TRIM2: variants seen among roughly 807,000 people sequenced by gnomAD.
The protein encoded by TRIM2 is tripartite motif containing 2.
A neutral mutation model predicts 75.2 loss-of-function variants in TRIM2; 20 were observed. The ratio of observed to expected loss-of-function variants is 0.27; its 90% confidence interval spans 0.19 to 0.39. The LOEUF is 0.39. TRIM2 is among the 10% of genes least tolerant of loss of function. The pLI, the probability that TRIM2 is intolerant of heterozygous loss-of-function variation, is 1.00. For missense variants in TRIM2, 660 were observed against 990.8 expected (o/e 0.67, Z 4.48); for synonymous variants, 373 against 388.3 (o/e 0.96, Z 0.46).
chr4:153,274,405 G>A (rs536719012), intron 2 of TRIM2, among the ~76,000 whole-genome samples: 7 of 152,304 alleles, frequency 4.6e-5, no homozygotes, highest in African/African-American at 1.7e-4. Context: ...TAAATAAATG[G>A]ATGGAGGTGC....
chr4:153,275,043 T>C (rs1441653009), intron 2 of TRIM2, among the ~76,000 whole-genome samples: 1 of 152,216 alleles, frequency 6.6e-6, no homozygotes. Flanking sequence ...AGTCTAATTA[T>C]TGAGAGCTTA....
upstream of TRIM2, among the ~76,000 whole-genome samples, chr4:153,200,003 ATGATCTTGGCTCAC>A (rs901406367): frequency 7.1e-6 from 1 of 140,258 alleles, no homozygotes; most frequent in Non-Finnish European, 1.5e-5. Flanking sequence ...GTGCAGTGGT[ATGATCTTGGCTCAC>A]TGTAATCTCC....
At chr4:153,227,684 A>C (rs1742514653) in intron 1 of TRIM2, among the ~76,000 whole-genome samples, 1 of 152,186 alleles carries the variant, frequency 6.6e-6, no homozygotes, top group Non-Finnish European at 1.5e-5. Flanking sequence ...TGGAGGGTGC[A>C]CGTCTCTCTT....
chr4:153,248,917 A>G lies in TRIM2; in HGVS notation c.31-21418A>G, dbSNP rs1375594924. 6.6e-6 allele frequency among the ~76,000 whole-genome samples: 1 copy of G among 152,212 alleles called. No individual in the cohort carries two copies. Among genetic ancestry groups the G allele is most frequent in the Non-Finnish European group, 1.5e-5 (1 of 68,042 alleles). On this transcript the variant is annotated intron_variant, in intron 1 of 11. Transcript: ENST00000338700. The surrounding 1 kb of genome is among the most constrained non-coding windows in gnomAD (Gnocchi z 4.0). ...GGAAACCCAAGCATGTTACTCGGAG[A>G]AAGTCCCACCCCCAGCATGGGCGCA...
intron 1 of TRIM2, among the ~76,000 whole-genome samples, chr4:153,184,678 G>A (rs973059577): frequency 8.5e-5 from 13 of 152,178 alleles, no homozygotes; most frequent in South Asian, 4.1e-4. Context: ...ACCTGGAATT[G>A]TCCTTAAAGT....
intron 1 of TRIM2, among the ~76,000 whole-genome samples, chr4:153,171,853 TTC>T (rs1491059658): frequency 1.7e-5 from 2 of 115,526 alleles, no homozygotes; most frequent in African/African-American, 5.2e-5. Flanking sequence ...TTTTTTTTTT[TTC>T]GCTAATGTAT....
intron 6 of TRIM2, among the ~76,000 whole-genome samples, chr4:153,311,901 T>TATTTATTTATTC (rs1766421130): frequency 6.8e-6 from 1 of 147,994 alleles, no homozygotes; most frequent in Admixed American, 6.7e-5. Flanking sequence ...TTCTTTTATT[T>TATTTATTTATTC]ATTTATTTAT....
At chr4:153,325,486 A>T (rs1769969885) in intron 10 of TRIM2, among the ~76,000 whole-genome samples, 1 of 152,202 alleles carries the variant, frequency 6.6e-6, no homozygotes, top group African/African-American at 2.4e-5. Context: ...TAGCCAAAGA[A>T]GGACGGAAGT....
intron 3 of TRIM2, 167 bp downstream of exon 3, chr4:153,276,297 C>G: frequency 3.2e-6 from 2 of 621,292 alleles, no homozygotes; most frequent in Non-Finnish European, 5.7e-6. Flanking sequence ...CTTTCTTTGA[C>G]CAGAACTATT....
chr4:153,222,562 G>C (rs1200169791), intron 1 of TRIM2: 2 of 152,132 alleles, frequency 1.3e-5, no homozygotes, highest in Admixed American at 6.5e-5. Context: ...CTGTCGTGCC[G>C]GGCCTGAAAA....
chr4:153,167,448 G>A (rs1482529326), intron 1 of TRIM2, among the ~76,000 whole-genome samples: 1 of 152,180 alleles, frequency 6.6e-6, no homozygotes, highest in African/African-American at 2.4e-5. Context: ...ATGGCAAATT[G>A]CAACATGGAA....
intron 6 of TRIM2, among the ~76,000 whole-genome samples, chr4:153,305,205 T>A (rs751619076): frequency 6.6e-6 from 1 of 152,216 alleles, no homozygotes; most frequent in Non-Finnish European, 1.5e-5. Context: ...CACTGCTACT[T>A]TTCTATCTGT....
intron 1 of TRIM2, among the ~76,000 whole-genome samples, chr4:153,230,712 C>G (rs1044870846): frequency 6.6e-6 from 1 of 152,176 alleles, no homozygotes; most frequent in Non-Finnish European, 1.5e-5. Flanking sequence ...GTTGACCCAC[C>G]AGGATATGCT....
chr4:153,199,911 C>A (rs1245467840), upstream of TRIM2, among the ~76,000 whole-genome samples: 6 of 149,984 alleles, frequency 4.0e-5, no homozygotes, highest in Non-Finnish European at 3.0e-5. Flanking sequence ...GTAGCTGGGA[C>A]TACAGGCAGG....
chr4:153,329,246 G>T (rs538758750), intron 11 of TRIM2, among the ~76,000 whole-genome samples: 46 of 151,856 alleles, frequency 3.0e-4, no homozygotes, highest in African/African-American at 1.1e-3. Context: ...TTTTAATATG[G>T]TTTTTTACAA....
chr4:153,311,120 C>T (rs890778046), intron 6 of TRIM2, among the ~76,000 whole-genome samples: 1 of 152,174 alleles, frequency 6.6e-6, no homozygotes, highest in Non-Finnish European at 1.5e-5. Flanking sequence ...CTATGGAATC[C>T]AACTAAATAT....
intron 1 of TRIM2, among the ~76,000 whole-genome samples, chr4:153,226,390 A>G (rs1219639737): frequency 4.6e-5 from 7 of 152,250 alleles, no homozygotes; most frequent in Admixed American, 1.3e-4. Flanking sequence ...GTGCTCAAAT[A>G]GAAGCTGTGG....
chr4:153,285,760 CGTGTGT>C (rs34272004), intron 3 of TRIM2, among the ~76,000 whole-genome samples: 1 of 150,262 alleles, frequency 6.7e-6, no homozygotes. Flanking sequence ...AATGTGTGTG[CGTGTGT>C]GTGTGTGTGT....
rs1473105901 is a variant in TRIM2 at position 153,241,530 on chromosome 4, G to A, written c.31-28805G>A. Among the ~76,000 whole-genome samples the A allele has an allele frequency of 2.0e-5, 3 of 152,170 alleles. No homozygotes were observed. The East Asian group carries it at 5.8e-4, about 29-fold the overall frequency. The stretch of plus-strand genomic sequence containing the variant: ...GGGGCAGAGTGATACATAACAAAGG[G>A]GCACACCCACTTAAGTCAGGAGGGT... On this transcript the variant is annotated intron_variant, in intron 1 of 11. Coordinates refer to ENST00000338700, the MANE Select transcript of TRIM2 (RefSeq NM_015271.5).
Sources: allele counts gnomAD v4.1 joint callset (sites outside exome capture counted in the v4.1 genomes callset), GRCh38; gene constraint gnomAD v4.1.1; non-coding constraint Gnocchi (gnomAD v3.1); transcripts MANE v1.5; gene names NCBI Gene and HGNC (gene_info 2026-07-23, HGNC 2026-07-21).